HERC6: variants seen among roughly 807,000 people sequenced by gnomAD.
The protein encoded by HERC6 is probable E3 ubiquitin-protein ligase HERC6.
A neutral mutation model predicts 114.5 loss-of-function variants in HERC6; 101 were observed. The ratio of observed to expected loss-of-function variants is 0.88; its 90% CI spans 0.75 to 1.04. The LOEUF (loss-of-function observed/expected upper bound fraction) is 1.04. Among genes scored for constraint, HERC6 ranks in the 50% least tolerant of loss-of-function variants. The pLI, the probability that HERC6 is intolerant of heterozygous loss-of-function variation, is 0.00. For synonymous variants in HERC6, 408 were observed against 436.2 expected, an observed-to-expected ratio of 0.94 and a Z score of 0.81; for missense variants, 1,133 against 1,230.9, an observed-to-expected ratio of 0.92 and a Z score of 1.19.
chr4:88,378,957 G>A lies in HERC6; in HGVS notation c.36G>A (p.Leu12=). ...YFCWGADSRE[L]QRRRTAGSPG... is the part of the protein sequence containing the mutation. ...GTTGGGGCGCCGACTCCAGGGAGCT[G>A]CAGCGCCGGAGGACGGCGGGCAGCC... Residue 12 remains leucine (L), a synonymous_variant, in exon 1 of 23, where the codon CTG becomes CTA. Coordinates refer to ENST00000264346, the MANE Select transcript of HERC6 (RefSeq NM_017912.4). 2 of 1,594,894 alleles carry A rather than the reference G, an allele frequency of 1.3e-6. No individual in the cohort carries two copies. Among genetic ancestry groups the A allele is most frequent in the Non-Finnish European group, 8.5e-7 (1 of 1,171,880 alleles).
chr4:88,385,354 A>G (rs2582038), intron 2 of HERC6, 145 bp from the exon 3 acceptor site: 527,580 of 571,176 alleles, frequency 0.92, 244,221 homozygotes, highest in East Asian at 1. Flanking sequence ...GAGGGCTTTG[A>G]AATAAAGGTA....
rs201684477 is a variant in HERC6, at chr4:88,393,513, C to G, written c.690C>G (p.Val230=). ...VPVQSNKPLS[V]GALKNLGVVY... is the part of the protein sequence containing the mutation. ...TGCAAAGCAACAAGCCTCTCTCAGT[C>G]GGTGCACTGAAGAATCTAGGTGTGG... Residue 230 remains valine (V), a synonymous_variant, in exon 5 of 23, where the codon GTC becomes GTG. Coordinates refer to ENST00000264346, the MANE Select transcript of HERC6 (RefSeq NM_017912.4). 1 of 1,611,548 alleles carries G rather than the reference C, an allele frequency of 6.2e-7. No individual in the cohort carries two copies. The highest frequency in any genetic ancestry group is 1.1e-5 in the South Asian group (1 of 90,674).
intron 7 of HERC6, 96 bp downstream of exon 7, chr4:88,397,083 G>T: frequency 9.9e-7 from 1 of 1,010,840 alleles, no homozygotes; most frequent in African/African-American, 1.6e-5. Context: ...CAGAACTGTA[G>T]TTCCCCTAGT....
intron 2 of HERC6, 109 bp from the exon 3 acceptor site, chr4:88,385,390 A>C: frequency 1.6e-6 from 1 of 641,276 alleles, no homozygotes; most frequent in Non-Finnish European, 2.7e-6. Context: ...AAAATAAAAT[A>C]GTTTTCCTGG....
chr4:88,394,231 T>A (rs1228777438), intron 5 of HERC6, among the ~76,000 whole-genome samples: 1 of 152,068 alleles, frequency 6.6e-6, no homozygotes, highest in East Asian at 1.9e-4. Context: ...TCCCAGCACT[T>A]TGGGAGGCCA....
intron 11 of HERC6, among the ~76,000 whole-genome samples, chr4:88,409,200 C>T (rs1303838439): frequency 6.6e-6 from 1 of 152,218 alleles, no homozygotes; most frequent in Non-Finnish European, 1.5e-5. Flanking sequence ...TTTCATCCTC[C>T]TAACTTGTTG....
At chr4:88,425,147 CTCCAAAATGGTTAAAGA>C (rs1737472031) in intron 15 of HERC6, among the ~76,000 whole-genome samples, 1 of 152,114 alleles carries the variant, frequency 6.6e-6, no homozygotes, top group Non-Finnish European at 1.5e-5. Context: ...CACTTGGTTC[CTCCAAAATGGTTAAAGA>C]CCATTCACAT....
intron 17 of HERC6, among the ~76,000 whole-genome samples, chr4:88,435,033 T>G (rs1182380270): frequency 6.6e-6 from 1 of 152,218 alleles, no homozygotes; most frequent in Admixed American, 6.5e-5. Context: ...CCCAAAGTCA[T>G]GCACCCACTA....
At chr4:88,418,663 G>A (rs1431770513) in intron 13 of HERC6, among the ~76,000 whole-genome samples, 1 of 152,130 alleles carries the variant, frequency 6.6e-6, no homozygotes, top group Non-Finnish European at 1.5e-5. Flanking sequence ...TTAAGGCACT[G>A]GATAAAAACC....
Position 88,396,887 on chromosome 4 carries a change from G to A in HERC6, c.924G>A (p.Gln308=). ...TGGCATATGTGCACACCACTGGTCAGGTGGTATCTTTTGGTCATGGACCAA... is the reference window on the plus strand; with the variant it reads ...TGGCATATGTGCACACCACTGGTCAAGTGGTATCTTTTGGTCATGGACCAA... ...HTLAYVHTTG[Q]VVSFGHGPSD... Residue 308 remains glutamine, a synonymous_variant, in exon 7 of 23, where the codon CAG becomes CAA. Coordinates refer to ENST00000264346, the MANE Select transcript of HERC6 (RefSeq NM_017912.4). The A allele has an allele frequency of 6.2e-7, 1 of 1,607,784 alleles. No individual in the cohort carries two copies. The highest frequency in any genetic ancestry group is 2.2e-5 in the East Asian group (1 of 44,598).
intron 5 of HERC6, 46 bp downstream of exon 5, chr4:88,393,628 T>C: frequency 8.4e-7 from 1 of 1,184,214 alleles, no homozygotes. Context: ...AGAGAAATGG[T>C]AACAAGATAC....
intron 8 of HERC6, among the ~76,000 whole-genome samples, chr4:88,403,647 G>A (rs1028680336): frequency 1.3e-5 from 2 of 151,922 alleles, no homozygotes; most frequent in African/African-American, 2.4e-5. Context: ...CCAGCTACTC[G>A]GGAGGCTGAG....
At chr4:88,393,617 C>T in intron 5 of HERC6, 35 bp downstream of exon 5, 1 of 1,346,830 alleles carries the variant, frequency 7.4e-7, no homozygotes, top group Non-Finnish European at 1.1e-6. Flanking sequence ...TTTTGAGTTC[C>T]AGAGAAATGG....
intron 10 of HERC6, among the ~76,000 whole-genome samples, chr4:88,405,856 T>C (rs2148892985): frequency 1.3e-5 from 2 of 152,298 alleles, no homozygotes; most frequent in East Asian, 3.9e-4. Flanking sequence ...TGTTGTCTGA[T>C]TAGAAGGAAT....
chr4:88,412,327 C>T (rs1736152514), intron 11 of HERC6, among the ~76,000 whole-genome samples: 1 of 152,138 alleles, frequency 6.6e-6, no homozygotes, highest in Admixed American at 6.5e-5. Context: ...ACTTCTGGGC[C>T]AGGTACACTG....
rs369469759 is a variant in HERC6 at position 88,379,071 on chromosome 4, C to G, written c.150C>G (p.Asn50Lys). 1.4e-5 allele frequency: 21 copies of G among 1,551,178 alleles called. No individual in the cohort carries two copies. The African/African-American group carries it at 2.5e-4, about 18-fold the overall frequency. The change falls in exon 1 of 23, where the codon AAC becomes AAG. Residue 50 changes from asparagine (N) to lysine (K), a missense_variant. Around this residue, in one of 3 missense-constraint regions of HERC6, gnomAD observed 735 missense variants for 754.0 expected, o/e 0.97. Coordinates refer to ENST00000264346, the MANE Select transcript of HERC6 (RefSeq NM_017912.4). The stretch of plus-strand genomic sequence containing the variant: ...ACAGGGTCCTCTCGTGCGGAGACAA[C>G]AGCAGGGGTCAGCTGGGCCGCAGGG... ...TNHRVLSCGD[N>K]SRGQLGRRGA...
At chr4:88,416,307 G>A (rs1736472501) in intron 12 of HERC6, among the ~76,000 whole-genome samples, 1 of 151,994 alleles carries the variant, frequency 6.6e-6, no homozygotes. Flanking sequence ...CTGTGAGAGC[G>A]GTTTTGCTAT....
chr4:88,433,697 AG>A (rs1256910260), intron 17 of HERC6, among the ~76,000 whole-genome samples: 4 of 152,210 alleles, frequency 2.6e-5, no homozygotes, highest in Admixed American at 2.6e-4. Context: ...CAGAACTCTA[AG>A]AAATACATTC....
In HERC6 at chr4:88,423,066, T is replaced by G. The variant is rs183759112; in HGVS notation, c.1714-794T>G. 4.2e-3 allele frequency among the ~76,000 whole-genome samples: 638 copies of G among 152,064 alleles called. 1 individual carries two copies. The highest frequency in any genetic ancestry group is 5.9e-3 in the Non-Finnish European group (404 of 67,930). ...TTTCATTCTTGATACTGGTTTTTTTTTTTGTTTTTTTTAAAGTCTTACCAG... is the reference window on the plus strand; with the variant it reads ...TTTCATTCTTGATACTGGTTTTTTTGTTTGTTTTTTTTAAAGTCTTACCAG... On this transcript the variant is annotated intron_variant, in intron 13 of 22. Transcript: ENST00000264346.
Sources: allele counts gnomAD v4.1 joint callset (sites outside exome capture counted in the v4.1 genomes callset), GRCh38; gene constraint gnomAD v4.1.1; regional missense constraint gnomAD v4.1.1; transcripts MANE v1.5; gene names NCBI Gene and HGNC (gene_info 2026-07-23, HGNC 2026-07-21).